Variants in SUGCT observed in about 807,000 individuals in gnomAD.
SUGCT encodes succinyl-CoA:glutarate CoA-transferase.
SUGCT carries 41 observed loss-of-function variants against 55.0 expected under a neutral mutation model. The observed-to-expected ratio is 0.74, with a 90% confidence interval of 0.58 to 0.97. The LOEUF (loss-of-function observed/expected upper bound fraction) is 0.97. SUGCT is among the 50% of genes least tolerant of loss of function. The probability of loss-of-function intolerance (pLI) is 0.00; values close to 1 mark genes in which losing one functional copy is unlikely to be tolerated. For synonymous variants in SUGCT, 187 were observed against 200.4 expected (o/e 0.93, Z 0.56); for missense variants, 568 against 547.8 (o/e 1.04, Z -0.37).
intron 13 of SUGCT, among the ~76,000 whole-genome samples, chr7:40,783,022 G>A (rs1473872136): frequency 6.6e-6 from 1 of 152,160 alleles, no homozygotes; most frequent in East Asian, 1.9e-4. Context: ...CTGTGGTTAT[G>A]ATCTGGTGGG....
intron 6 of SUGCT, among the ~76,000 whole-genome samples, chr7:40,211,652 G>A (rs1407632742): frequency 4.6e-5 from 7 of 152,316 alleles, no homozygotes; most frequent in African/African-American, 9.6e-5. Flanking sequence ...AACACTGGAC[G>A]TGTGGCCCAG....
chr7:40,838,508 A>G (rs1422542763), intron 13 of SUGCT, among the ~76,000 whole-genome samples: 1 of 152,124 alleles, frequency 6.6e-6, no homozygotes, highest in African/African-American at 2.4e-5. Context: ...TTTTGTTTGG[A>G]GTAATTGGAA....
intron 12 of SUGCT, among the ~76,000 whole-genome samples, chr7:40,642,560 C>T (rs1353416551): frequency 6.6e-6 from 1 of 152,090 alleles, no homozygotes; most frequent in Non-Finnish European, 1.5e-5. Flanking sequence ...ATTTACTGGT[C>T]CCTGTCCTAA....
chr7:40,141,954 T>C (rs1227147574), intron 1 of SUGCT: 2 of 254,424 alleles, frequency 7.9e-6, no homozygotes, highest in Non-Finnish European at 1.7e-5. Flanking sequence ...CATTCCCCTA[T>C]TGGCTAGGTT....
At chr7:40,610,969 C>T (rs925861436) in intron 12 of SUGCT, among the ~76,000 whole-genome samples, 14 of 152,124 alleles carry the variant, frequency 9.2e-5, no homozygotes, top group South Asian at 2.1e-4. Context: ...CCAGAACCCA[C>T]GTCTGGGGAG....
chr7:40,237,265 G>A (rs1311727202), intron 6 of SUGCT, among the ~76,000 whole-genome samples: 2 of 151,774 alleles, frequency 1.3e-5, no homozygotes, highest in Non-Finnish European at 2.9e-5. Flanking sequence ...CCAACATGGC[G>A]AAACCTTGTC....
At chr7:40,701,505 A>G (rs1053683829) in intron 12 of SUGCT, among the ~76,000 whole-genome samples, 2 of 152,140 alleles carry the variant, frequency 1.3e-5, no homozygotes, top group African/African-American at 4.8e-5. Flanking sequence ...TGTCCCAACA[A>G]ACGATGATAT....
chr7:40,634,935 G>T (rs547386041), intron 12 of SUGCT, among the ~76,000 whole-genome samples: 4 of 152,188 alleles, frequency 2.6e-5, no homozygotes, highest in Admixed American at 2.0e-4. Context: ...GTTTGAAAAA[G>T]ACTCTAATTA....
chr7:40,416,464 G>A (rs1248630201), intron 9 of SUGCT, among the ~76,000 whole-genome samples: 2 of 151,338 alleles, frequency 1.3e-5, no homozygotes, highest in Non-Finnish European at 1.5e-5. Context: ...ATCTGACTTG[G>A]AATTCTTATT....
chr7:40,684,366 G>A (rs1784380053), intron 12 of SUGCT, among the ~76,000 whole-genome samples: 1 of 152,136 alleles, frequency 6.6e-6, no homozygotes, highest in Non-Finnish European at 1.5e-5. Flanking sequence ...ATTTTACTTA[G>A]ATTCCATTTC....
At chr7:40,173,108 C>T (rs1382545571) in intron 1 of SUGCT, among the ~76,000 whole-genome samples, 7 of 152,190 alleles carry the variant, frequency 4.6e-5, no homozygotes, top group Non-Finnish European at 1.0e-4. Context: ...CTTGGCTTCA[C>T]ATATTCCAAG....
intron 13 of SUGCT, among the ~76,000 whole-genome samples, chr7:40,840,456 G>A (rs182955295): frequency 6.2e-4 from 90 of 144,278 alleles, no homozygotes; most frequent in Admixed American, 2.7e-3. Flanking sequence ...TAAATGATGC[G>A]TAGGTTGAGG....
Position 40,316,865 on chromosome 7 carries a change from C to T in SUGCT, c.816+10C>T, listed in dbSNP as rs1433639585. 2.6e-6 allele frequency: 4 copies of T among 1,513,050 alleles called. No homozygotes were observed. The Admixed American group carries it at 5.6e-5, about 21-fold the overall frequency. The allele number at this position is 1,513,050 out of a possible 1,614,324, so 93.7% of individuals were successfully genotyped here. On this transcript the variant is annotated intron_variant, in intron 9 of 13. Coordinates refer to ENST00000335693, the MANE Select transcript of SUGCT (RefSeq NM_001193313.2). ...TATCGTTCCTTACCAGGTAAGACTA[C>T]AGCAGTCTAGGGTTGGGCTGTTGTA...
intron 7 of SUGCT, among the ~76,000 whole-genome samples, chr7:40,273,806 G>C (rs143255011): frequency 3.3e-5 from 5 of 152,168 alleles, no homozygotes; most frequent in African/African-American, 9.6e-5. Context: ...AAATATATGA[G>C]TTATTAGCAG....
chr7:40,415,799 A>G (rs961920871), intron 9 of SUGCT, among the ~76,000 whole-genome samples: 1 of 152,088 alleles, frequency 6.6e-6, no homozygotes, highest in Admixed American at 6.6e-5. Flanking sequence ...TTACATGTAT[A>G]TATTGGGACC....
At chr7:41,030,497 A>G in the SUGCT span, among the ~76,000 whole-genome samples, 1 of 152,214 alleles carries the variant, frequency 6.6e-6, no homozygotes, top group Non-Finnish European at 1.5e-5. Context: ...ATAAGCAAAT[A>G]AACATTCATT....
intron 12 of SUGCT, among the ~76,000 whole-genome samples, chr7:40,581,741 G>T (rs534224192): frequency 2.0e-5 from 3 of 152,282 alleles, no homozygotes; most frequent in East Asian, 3.9e-4. Context: ...ATTTCTGCAA[G>T]ATGTAGTACA....
chr7:40,570,850 C>CTTTTTTTTTTTTTTTT lies in SUGCT; in HGVS notation c.1089+74476_1089+74491dup, dbSNP rs776733346. 1.2e-3 allele frequency among the ~76,000 whole-genome samples: 64 copies of CTTTTTTTTTTTTTTTT among 52,304 alleles called. 13 individuals carry two copies. Among genetic ancestry groups the CTTTTTTTTTTTTTTTT allele is most frequent in the African/African-American group, 5.4e-3 (62 of 11,528 alleles). 34.3% of individuals were successfully genotyped at this position (52,304 alleles called of 152,430 possible). On this transcript the variant is annotated intron_variant, in intron 12 of 13. Transcript: ENST00000335693. ...CCCCTCTGGGCAAAAGCTTTAGGCT[C>CTTTTTTTTTTTTTTTT]TTTTTTTTTTTTTTTTTTTTTTTTT... is the stretch of plus-strand genomic sequence containing the variant.
intron 9 of SUGCT, among the ~76,000 whole-genome samples, chr7:40,441,975 G>A (rs969401950): frequency 2.0e-5 from 3 of 152,034 alleles, no homozygotes; most frequent in Admixed American, 6.6e-5. Flanking sequence ...TATGACTCAT[G>A]GGTCTGGGTA....
Sources: gnomAD v4.1 joint callset for allele counts (sites outside exome capture counted in the v4.1 genomes callset) on GRCh38, gnomAD v4.1.1 for gene constraint, MANE v1.5 for transcripts, NCBI Gene and HGNC (gene_info 2026-07-23, HGNC 2026-07-21) for gene names.